The following PRKCI variants were observed in gnomAD, a reference collection of about 807,000 sequenced individuals.
PRKCI encodes protein kinase C iota, also known as protein kinase C iota type.
Under a neutral mutation model 84.0 loss-of-function variants are expected in PRKCI, and 43 were observed. The ratio of observed to expected loss-of-function variants is 0.51; its 90% CI spans 0.40 to 0.66. PRKCI has a LOEUF of 0.66. PRKCI is among the 30% of genes least tolerant of loss of function. The probability of loss-of-function intolerance (pLI) is 0.00; values close to 1 mark genes in which losing one functional copy is unlikely to be tolerated. For missense variants in PRKCI, 459 were observed against 745.6 expected (o/e 0.62, Z 4.48); for synonymous variants, 216 against 234.4 (o/e 0.92, Z 0.72).
intron 2 of PRKCI, among the ~76,000 whole-genome samples, chr3:170,243,316 A>G (rs1733182296): frequency 2.0e-5 from 3 of 152,260 alleles, no homozygotes; most frequent in South Asian, 2.1e-4. Context: ...ATCATATAGC[A>G]TGTACTTTTT....
intron 2 of PRKCI, among the ~76,000 whole-genome samples, chr3:170,246,119 ATTTTTTTTC>A (rs940182918): frequency 4.0e-5 from 6 of 149,944 alleles, no homozygotes; most frequent in Admixed American, 6.6e-5. Flanking sequence ...CGCCCAGCTA[ATTTTTTTTC>A]TTTTTTTTCT....
At position 170,284,541 on chromosome 3, in the gene PRKCI, A is replaced by G. The variant is rs1373137084; in HGVS notation, c.1148A>G (p.Asn383Ser). ...GIIYRDLKLD[N>S]VLLDSEGHIK... is the part of the protein sequence containing the mutation. Reference sequence around the variant, plus strand: ...ATTTATAGAGATTTGAAACTGGACAATGTATTACTGGACTCTGAAGGCCAC... The same window carrying G: ...ATTTATAGAGATTTGAAACTGGACAGTGTATTACTGGACTCTGAAGGCCAC... The change falls in exon 12 of 18, where the codon AAT becomes AGT. Residue 383 changes from asparagine to serine, a missense_variant. This residue lies in a region of PRKCI where 209 missense variants were observed against 425.9 expected (regional missense o/e 0.49). Coordinates refer to ENST00000295797, the MANE Select transcript of PRKCI (RefSeq NM_002740.6). 6.2e-7 allele frequency: 1 copy of G among 1,613,082 alleles called. No homozygotes were observed. The highest frequency in any genetic ancestry group is 8.5e-7 in the Non-Finnish European group (1 of 1,179,320).
intron 13 of PRKCI, among the ~76,000 whole-genome samples, chr3:170,293,145 C>T (rs934750965): frequency 6.6e-6 from 1 of 151,472 alleles, no homozygotes; most frequent in African/African-American, 2.4e-5. Context: ...AGTAGAAATA[C>T]ATGGAGAAAG....
At chr3:170,289,454 G>C (rs1185871036) in intron 12 of PRKCI, among the ~76,000 whole-genome samples, 1 of 152,142 alleles carries the variant, frequency 6.6e-6, no homozygotes, top group African/African-American at 2.4e-5. Context: ...CCTCTAGGGA[G>C]CTGGAACTGG....
At chr3:170,225,943 C>T (rs1364894858) in intron 1 of PRKCI, among the ~76,000 whole-genome samples, 2 of 151,648 alleles carry the variant, frequency 1.3e-5, no homozygotes, top group African/African-American at 2.4e-5. Flanking sequence ...GATGGAGTCT[C>T]GCTCTGTCAC....
At chr3:170,223,269 G>A (rs969380797) in intron 1 of PRKCI, among the ~76,000 whole-genome samples, 26 of 152,276 alleles carry the variant, frequency 1.7e-4, no homozygotes, top group African/African-American at 5.3e-4. Flanking sequence ...TTGTGTTCAC[G>A]TAGTGTATCT....
chr3:170,255,742 GAGAA>G (rs1236974071), intron 2 of PRKCI, among the ~76,000 whole-genome samples: 1 of 152,106 alleles, frequency 6.6e-6, no homozygotes, highest in Admixed American at 6.5e-5. Flanking sequence ...CCAAATCTTA[GAGAA>G]AGACTTTCAA....
chr3:170,281,802 G>A (rs1183260096), intron 10 of PRKCI, 80 bp from the exon 11 acceptor site: 7 of 1,502,170 alleles, frequency 4.7e-6, no homozygotes, highest in Admixed American at 4.6e-5. Context: ...AATGCTCTCT[G>A]TTGTGATGGT....
intron 2 of PRKCI, among the ~76,000 whole-genome samples, chr3:170,253,185 T>C (rs1733496937): frequency 6.6e-6 from 1 of 152,190 alleles, no homozygotes; most frequent in Admixed American, 6.5e-5. Context: ...ACTGATTTCC[T>C]TTCTTTTGGG....
intron 15 of PRKCI, among the ~76,000 whole-genome samples, chr3:170,296,682 T>C (rs756746435): frequency 2.6e-5 from 4 of 152,246 alleles, no homozygotes; most frequent in East Asian, 3.9e-4. Flanking sequence ...ACAATTTATG[T>C]GAGGAAAGAT....
At chr3:170,242,701 T>C (rs1351288447) in intron 2 of PRKCI, among the ~76,000 whole-genome samples, 1 of 152,030 alleles carries the variant, frequency 6.6e-6, no homozygotes, top group Admixed American at 6.6e-5. Flanking sequence ...GATGGATCCT[T>C]GCTCTGTCGC....
At chr3:170,297,198 T>A (rs960798259) in intron 15 of PRKCI, 106 bp from the exon 16 acceptor site, 2 of 871,020 alleles carry the variant, frequency 2.3e-6, no homozygotes, top group East Asian at 5.3e-5. Flanking sequence ...CCATTCCAAC[T>A]TCAGAAATAA....
At chr3:170,222,824 G>T in intron 1 of PRKCI, 54 bp downstream of exon 1, 1 of 1,446,144 alleles carries the variant, frequency 6.9e-7, no homozygotes, top group Non-Finnish European at 9.5e-7. Flanking sequence ...GGCTCCACTC[G>T]GCCTGGAGGA....
rs1015429064 is a variant in PRKCI, at chr3:170,222,636, C to T, written c.-34C>T. 6.6e-6 allele frequency: 10 copies of T among 1,525,432 alleles called. No individual in the cohort carries two copies. The highest frequency in any genetic ancestry group is 8.8e-6 in the Non-Finnish European group (10 of 1,134,674). 94.5% of individuals were successfully genotyped at this position (1,525,432 alleles called of 1,614,324 possible). A position where few individuals can be genotyped will look rare whatever the true frequency, so the allele number is the denominator to read the frequency against. On this transcript the variant is annotated 5_prime_UTR_variant, in exon 1 of 18. Coordinates refer to ENST00000295797, the MANE Select transcript of PRKCI (RefSeq NM_002740.6). ...GCGCCCGAAGCGCCCCCCCGCACCC[C>T]CGGCCTCCAGCGTTGAGGCGGGGGA...
intron 12 of PRKCI, among the ~76,000 whole-genome samples, chr3:170,286,134 C>A (rs969100587): frequency 6.6e-6 from 1 of 151,658 alleles, no homozygotes; most frequent in Non-Finnish European, 1.5e-5. Context: ...ACCATGTTGG[C>A]CAGGCTGGTC....
intron 12 of PRKCI, 157 bp from the exon 13 acceptor site, chr3:170,291,694 CAAA>C: frequency 1.7e-6 from 1 of 585,498 alleles, no homozygotes; most frequent in Non-Finnish European, 3.0e-6. Context: ...AAGACCCTGT[CAAA>C]AATAATAATA....
chr3:170,242,064 G>A (rs1055523602), intron 2 of PRKCI, among the ~76,000 whole-genome samples: 7 of 152,164 alleles, frequency 4.6e-5, no homozygotes, highest in Non-Finnish European at 8.8e-5. Context: ...AGCCGAGATC[G>A]TGCCATTGCA....
Position 170,275,274 on chromosome 3 carries a change from G to C in PRKCI, c.692G>C (p.Gly231Ala), listed in dbSNP as rs1301070129. 6.3e-7 allele frequency: 1 copy of C among 1,594,066 alleles called. No homozygotes were observed. Among genetic ancestry groups the C allele is most frequent in the Non-Finnish European group, 8.5e-7 (1 of 1,172,000 alleles). The change falls in exon 8 of 18, where the codon GGT (glycine) becomes GCT (alanine). Residue 231 changes from glycine (G) to alanine (A), a missense_variant. Gly to Ala is a moderately conservative substitution (Grantham distance 60). Around this residue, in one of 2 missense-constraint regions of PRKCI, gnomAD observed 250 missense variants for 319.7 expected, o/e 0.78. Transcript: ENST00000295797. ...PSSHESLDQV[G>A]EEKEAMNTRE... ...AGTCATGAGAGTTTGGATCAAGTTG[G>C]TGAAGAAAAAGAGGTAAGATAATTT...
intron 2 of PRKCI, among the ~76,000 whole-genome samples, chr3:170,242,737 C>G (rs2108840421): frequency 6.6e-6 from 1 of 151,344 alleles, no homozygotes; most frequent in South Asian, 2.1e-4. Flanking sequence ...GTGGTGTGAT[C>G]TCGGCTCACT....
Sources: gnomAD v4.1 joint callset for allele counts (sites outside exome capture counted in the v4.1 genomes callset) on GRCh38, gnomAD v4.1.1 for gene constraint, gnomAD v4.1.1 regional missense constraint, MANE v1.5 for transcripts, NCBI Gene and HGNC (gene_info 2026-07-23, HGNC 2026-07-21) for gene names.